The following PRKCZ variants were observed in gnomAD, a reference collection of about 807,000 sequenced individuals.
The protein encoded by PRKCZ is protein kinase C zeta type.
In PRKCZ, 33 loss-of-function variants were observed where a neutral mutation model predicts 79.5. That is an observed-to-expected ratio of 0.41 (90% CI 0.31 to 0.55). The LOEUF (loss-of-function observed/expected upper bound fraction) is 0.55, where lower values mean the gene tolerates loss of function less well. Ranked by LOEUF, PRKCZ falls within the 20% of genes least tolerant of loss-of-function variation. The pLI is 0.19. For synonymous variants in PRKCZ, 342 were observed against 320.9 expected (o/e 1.07, Z -0.70); for missense variants, 578 against 813.5 (o/e 0.71, Z 3.52).
chr1:2,050,676 G>A lies in PRKCZ; in HGVS notation c.46G>A (p.Val16Ile), dbSNP rs904415878. The A allele has an allele frequency of 5.7e-6, 7 of 1,227,582 alleles. No individual in the cohort carries two copies. In the African/African-American group the frequency reaches 6.2e-5, roughly 11 times the overall value. 76.0% of individuals were successfully genotyped at this position (1,227,582 alleles called of 1,614,324 possible). A position where few individuals can be genotyped will look rare whatever the true frequency, so the allele number is the denominator to read the frequency against. ...CAAGATGGAAGGGAGCGGCGGCCGCGTCCGCCTCAAGGCGCATTACGGGGG... is the reference window on the plus strand; with the variant it reads ...CAAGATGGAAGGGAGCGGCGGCCGCATCCGCCTCAAGGCGCATTACGGGGG... ...GPKMEGSGGRVRLKAHYGGDI... is the reference protein window; with the variant it reads ...GPKMEGSGGRIRLKAHYGGDI... The change falls in exon 1 of 18, where the codon GTC becomes ATC. Residue 16 changes from valine (V) to isoleucine (I), a missense_variant. By Grantham distance (29) the Val-to-Ile change is conservative. Around this residue, in one of 4 missense-constraint regions of PRKCZ, gnomAD observed 228 missense variants for 211.6 expected, o/e 1.08. Coordinates refer to ENST00000378567, the MANE Select transcript of PRKCZ (RefSeq NM_002744.6).
chr1:2,152,631 AT>A (rs1680124206), intron 9 of PRKCZ, among the ~76,000 whole-genome samples: 1 of 152,136 alleles, frequency 6.6e-6, no homozygotes, highest in African/African-American at 2.4e-5. Context: ...ATTCCAGAAC[AT>A]TTTCCTCACC....
chr1:2,133,355 C>T (rs1011359035), intron 4 of PRKCZ, among the ~76,000 whole-genome samples: 10 of 151,612 alleles, frequency 6.6e-5, no homozygotes, highest in Non-Finnish European at 1.3e-4. Context: ...TCGTCGGTTC[C>T]CTCGGCTCCG....
At chr1:2,179,392 C>T (rs113382365) in intron 16 of PRKCZ, among the ~76,000 whole-genome samples, 1,567 of 152,298 alleles carry the variant, frequency 0.01, 31 homozygotes, top group African/African-American at 0.034. Context: ...GGGTCCCCAT[C>T]CCCGCAGGAT....
intron 10 of PRKCZ, among the ~76,000 whole-genome samples, chr1:2,160,889 A>G (rs1682130835): frequency 6.6e-6 from 1 of 151,994 alleles, no homozygotes; most frequent in Non-Finnish European, 1.5e-5. Context: ...TGTGTGAGAA[A>G]GAGGTGAGGG....
intron 10 of PRKCZ, among the ~76,000 whole-genome samples, chr1:2,164,636 G>A (rs556963745): frequency 3.3e-5 from 5 of 152,300 alleles, no homozygotes; most frequent in Admixed American, 2.6e-4. Flanking sequence ...AACCATGAGC[G>A]TTCCCTGCAC....
chr1:2,099,400 G>T (rs758850876), intron 4 of PRKCZ, among the ~76,000 whole-genome samples: 5 of 152,148 alleles, frequency 3.3e-5, no homozygotes, highest in Non-Finnish European at 5.9e-5. Flanking sequence ...TTGCTAATGG[G>T]CGGACCAGTG....
chr1:2,107,255 C>T (rs534181159), intron 4 of PRKCZ, among the ~76,000 whole-genome samples: 23 of 152,346 alleles, frequency 1.5e-4, no homozygotes, highest in African/African-American at 5.1e-4. Context: ...GGCTCCTGTG[C>T]GGAGGCCGCC....
intron 17 of PRKCZ, 41 bp from the exon 18 acceptor site, chr1:2,184,881 C>A: frequency 6.4e-7 from 1 of 1,551,162 alleles, no homozygotes; most frequent in Non-Finnish European, 8.9e-7. Context: ...AGGGAATGAA[C>A]ACACGGTCAC....
chr1:2,085,258 G>A lies in PRKCZ; in HGVS notation c.334+25667G>A, dbSNP rs557751702. Among the ~76,000 whole-genome samples the A allele has an allele frequency of 2.3e-3, 352 of 152,340 alleles. 3 individuals are homozygous for A. The Middle Eastern group carries it at 0.031, about 13-fold the overall frequency. On this transcript the variant is annotated intron_variant, in intron 4 of 17. Transcript: ENST00000378567. Reference sequence around the variant, plus strand: ...TTTTCCGAGACACGTTGTACCATCCGCCCTACCTGGCGTGGGCGTGAAGCT... The same window carrying A: ...TTTTCCGAGACACGTTGTACCATCCACCCTACCTGGCGTGGGCGTGAAGCT...
intron 11 of PRKCZ, among the ~76,000 whole-genome samples, chr1:2,170,889 A>G (rs1356194591): frequency 1.3e-5 from 2 of 152,322 alleles, no homozygotes; most frequent in East Asian, 1.9e-4. Flanking sequence ...TTATCCGTCC[A>G]TCCCTCGGGG....
intron 8 of PRKCZ, among the ~76,000 whole-genome samples, chr1:2,150,478 C>G (rs994768123): frequency 1.3e-5 from 2 of 152,230 alleles, no homozygotes; most frequent in African/African-American, 4.8e-5. Context: ...TTCAGCCCCA[C>G]TGATAGGGCT....
At position 2,128,253 on chromosome 1, in the gene PRKCZ, G is replaced by A. The variant is rs866515432; in HGVS notation, c.335-7009G>A. 3.9e-5 allele frequency among the ~76,000 whole-genome samples: 6 copies of A among 152,182 alleles called. No individual in the cohort carries two copies. The highest frequency in any genetic ancestry group is 1.2e-4 in the African/African-American group (5 of 41,440). Reference sequence around the variant, plus strand: ...TGACCACTGCCTTGCACCCATCCGGGCCCCGCAGGGCCGTCCTGTGGCACT... The same window carrying A: ...TGACCACTGCCTTGCACCCATCCGGACCCCGCAGGGCCGTCCTGTGGCACT... On this transcript the variant is annotated intron_variant, in intron 4 of 17. Transcript: ENST00000378567. The surrounding 1 kb of genome is among the most constrained non-coding windows in gnomAD (Gnocchi z 6.5).
In PRKCZ at chr1:2,055,459, C is replaced by T. The variant is rs754370838; in HGVS notation, c.90C>T (p.Ser30=). The T allele has an allele frequency of 1.5e-5, 24 of 1,613,276 alleles. No homozygotes were observed. The highest frequency in any genetic ancestry group is 3.3e-4 in the Middle Eastern group (2 of 6,076). Residue 30 remains serine (S), a synonymous_variant, in exon 2 of 18, where the codon AGC becomes AGT. Transcript: ENST00000378567. ...GCCCCAGGGACATCTTCATCACCAG[C>T]GTGGACGCCGCCACGACCTTCGAGG... ...AHYGGDIFIT[S]VDAATTFEEL...
rs1168188080 is a variant in PRKCZ, at chr1:2,174,546, T to TACG, written c.1406-205_1406-203dup. Among the ~76,000 whole-genome samples the TACG allele has an allele frequency of 6.6e-6, 1 of 152,220 alleles. No homozygotes were observed. Among genetic ancestry groups the TACG allele is most frequent in the East Asian group, 1.9e-4 (1 of 5,196 alleles). On this transcript the variant is annotated intron_variant, in intron 14 of 17. Coordinates refer to ENST00000378567, the MANE Select transcript of PRKCZ (RefSeq NM_002744.6). The surrounding 1 kb of genome is among the most constrained non-coding windows in gnomAD (Gnocchi z 6.2). Reference sequence around the variant, plus strand: ...GGAGCTGCTGGTTCACGTCCGATCCTACGACACGTGCCAGCGCATGTAACC... The same window carrying TACG: ...GGAGCTGCTGGTTCACGTCCGATCCTACGACGACACGTGCCAGCGCATGTAACC...
chr1:2,148,208 G>A (rs978675115), intron 7 of PRKCZ, among the ~76,000 whole-genome samples: 8 of 135,758 alleles, frequency 5.9e-5, no homozygotes, highest in Non-Finnish European at 7.7e-5. Flanking sequence ...CCATCTTTCC[G>A]TCTGTTGTCC....
chr1:2,119,609 G>C (rs1671446248), intron 4 of PRKCZ, among the ~76,000 whole-genome samples: 15 of 151,996 alleles, frequency 9.9e-5, no homozygotes, highest in Admixed American at 9.8e-4. Flanking sequence ...GTGTATTTCA[G>C]ACCCACAAAC....
At position 2,177,637 on chromosome 1, in the gene PRKCZ, G is replaced by T. The variant is rs2100459461; in HGVS notation, c.1575+2324G>T. 6.6e-6 allele frequency among the ~76,000 whole-genome samples: 1 copy of T among 152,312 alleles called. No individual in the cohort carries two copies. The highest frequency in any genetic ancestry group is 2.4e-5 in the African/African-American group (1 of 41,566). ...ACCATGAAGCCACCCTTGGCCTCTA[G>T]CTGGGAGAGGTCTGCGTCCCTGCAG... On this transcript the variant is annotated intron_variant, in intron 16 of 17. Transcript: ENST00000378567. The surrounding 1 kb of genome is among the most constrained non-coding windows in gnomAD (Gnocchi z 6.4).
intron 4 of PRKCZ, among the ~76,000 whole-genome samples, chr1:2,126,918 C>T (rs1204746930): frequency 6.6e-6 from 1 of 152,222 alleles, no homozygotes. Context: ...TGTGCTGCGC[C>T]GTGTGGCCCG....
Position 2,153,289 on chromosome 1 carries a change from C to T in PRKCZ, c.876+2311C>T, listed in dbSNP as rs542759954. ...TGCTTTCATTCCTGAATGCAGGTTG[C>T]GTCTCTCAGGATTAGATAAAAGGCC... On this transcript the variant is annotated intron_variant, in intron 9 of 17. Transcript: ENST00000378567. Among the ~76,000 whole-genome samples the T allele has an allele frequency of 2.6e-5, 4 of 152,354 alleles. No individual in the cohort carries two copies. In the East Asian group the frequency reaches 7.7e-4, roughly 29 times the overall value.
Sources: gnomAD v4.1 joint callset for allele counts (sites outside exome capture counted in the v4.1 genomes callset) on GRCh38, gnomAD v4.1.1 for gene constraint, gnomAD v4.1.1 regional missense constraint, Gnocchi (gnomAD v3.1) non-coding constraint, MANE v1.5 for transcripts, NCBI Gene and HGNC (gene_info 2026-07-23, HGNC 2026-07-21) for gene names.